WNK3: variants seen among roughly 807,000 people sequenced by gnomAD.
WNK3 encodes the protein WNK lysine deficient protein kinase 3.
Under a neutral mutation model 116.7 loss-of-function variants are expected in WNK3, and 18 were observed. That is an observed-to-expected ratio of 0.15 (90% confidence interval 0.11 to 0.23). The LOEUF is 0.23. WNK3 is among the 10% of genes least tolerant of loss of function. The probability of loss-of-function intolerance (pLI) is 1.00; values close to 1 mark genes in which losing one functional copy is unlikely to be tolerated. For synonymous variants in WNK3, 404 were observed against 469.4 expected, an observed-to-expected ratio of 0.86 and a Z score of 1.80; for missense variants, 993 against 1,323.8, an observed-to-expected ratio of 0.75 and a Z score of 3.88.
chrX:54,250,170 T>G (rs2068114602), intron 15 of WNK3, 39 bp from the exon 16 acceptor site: 1 of 1,127,673 alleles, frequency 8.9e-7, no homozygotes, highest in Non-Finnish European at 1.2e-6. Flanking sequence ...TGCTAAGCTA[T>G]TTTCAATTTA....
At chrX:54,221,847 C>T (rs1363603431) in intron 22 of WNK3, among the ~76,000 whole-genome samples, 1 of 107,513 alleles carries the variant, frequency 9.3e-6, no homozygotes, top group Non-Finnish European at 1.9e-5. Context: ...AAAAAACCAA[C>T]CAACCAAACA....
intron 11 of WNK3, 129 bp from the exon 12 acceptor site, chrX:54,256,016 G>A (rs1301073197): frequency 1.9e-6 from 1 of 533,172 alleles, no homozygotes; most frequent in Non-Finnish European, 2.9e-6. Context: ...TAAAAGTTAT[G>A]ACTGCACAAC....
At chrX:54,198,005 A>G (rs1268733693) in exon 24 of WNK3, 3 of 168,360 alleles carry the variant, frequency 1.8e-5, no homozygotes, top group African/African-American at 3.1e-5. Flanking sequence ...CAATTCATGG[A>G]AAGTGTCCTG....
At chrX:54,320,715 T>C (rs6614228) in intron 2 of WNK3, among the ~76,000 whole-genome samples, 2 of 108,589 alleles carry the variant, frequency 1.8e-5, no homozygotes, top group East Asian at 5.8e-4. Flanking sequence ...TTTCTTTCTG[T>C]GGAGATGAGC....
exon 11 of WNK3, chrX:54,259,316 G>T (rs1377545107): frequency 8.4e-7 from 1 of 1,195,052 alleles, no homozygotes; most frequent in Admixed American, 2.2e-5. Context: ...TTGTTGTTCA[G>T]CTCCAACTGG....
intron 1 of WNK3, among the ~76,000 whole-genome samples, chrX:54,337,704 C>T (rs933258107): frequency 8.3e-5 from 9 of 108,113 alleles, no homozygotes; most frequent in African/African-American, 2.7e-4. Context: ...TGTCGTGAGC[C>T]GAGATCACAC....
intron 1 of WNK3, among the ~76,000 whole-genome samples, chrX:54,353,615 C>T (rs917813623): frequency 1.9e-5 from 2 of 107,494 alleles, no homozygotes; most frequent in Admixed American, 1.0e-4. Context: ...GGCGTAGTGG[C>T]GGGCACCTGT....
At chrX:54,215,116 CAAAA>C (rs60946524) in intron 22 of WNK3, among the ~76,000 whole-genome samples, 1 of 29,458 alleles carries the variant, frequency 3.4e-5, no homozygotes, top group Non-Finnish European at 6.6e-5. Flanking sequence ...GACTCCATCT[CAAAA>C]AAAAAAAAAA....
intron 1 of WNK3, among the ~76,000 whole-genome samples, chrX:54,355,678 A>G (rs1461833477): frequency 3.6e-5 from 4 of 111,499 alleles, no homozygotes; most frequent in African/African-American, 1.3e-4. Flanking sequence ...TCCCCTTCTT[A>G]AACAATCAAG....
At chrX:54,245,145 C>CGTGTGT (rs782272022) in intron 17 of WNK3, among the ~76,000 whole-genome samples, 2,018 of 84,620 alleles carry the variant, frequency 0.024, 80 homozygotes, top group African/African-American at 0.079. Context: ...CATATATATG[C>CGTGTGT]GTGTGTGTGT....
intron 13 of WNK3, among the ~76,000 whole-genome samples, chrX:54,252,179 C>CA (rs1465725514): frequency 1.8e-5 from 2 of 110,212 alleles, no homozygotes; most frequent in African/African-American, 3.3e-5. Flanking sequence ...AATAAAATGC[C>CA]AAAAAATACA....
rs561941823 is a variant in WNK3 at position 54,217,346 on chromosome X, G to C, written c.4870+11368C>G. On this transcript the variant is annotated intron_variant, in intron 22 of 23. Transcript: ENST00000354646. ...AAAAAAAAAAAAAAATTAGCCATGT[G>C]GGCCAGGCGCGGTGGCTCACACCTG... is the stretch of plus-strand genomic sequence containing the variant. 4.0e-4 allele frequency among the ~76,000 whole-genome samples: 42 copies of C among 105,831 alleles called. 1 individual carries two copies. The South Asian group carries it at 0.018, about 45-fold the overall frequency. The allele number at this position is 105,831 out of a possible 115,157, so 91.9% of individuals were successfully genotyped here.
At chrX:54,321,955 G>C (rs1394401951) in intron 2 of WNK3, among the ~76,000 whole-genome samples, 2 of 103,444 alleles carry the variant, frequency 1.9e-5, no homozygotes, top group African/African-American at 7.2e-5. Flanking sequence ...TCGCACTCCA[G>C]CCTGAGTGAC....
chrX:54,330,232 G>T (rs1238230542), intron 2 of WNK3, among the ~76,000 whole-genome samples: 1 of 111,299 alleles, frequency 9.0e-6, no homozygotes, highest in Non-Finnish European at 1.9e-5. Context: ...AATTAGCCAG[G>T]CGTGGTGGCA....
At chrX:54,326,000 C>T (rs1171834305) in intron 2 of WNK3, among the ~76,000 whole-genome samples, 1 of 111,025 alleles carries the variant, frequency 9.0e-6, no homozygotes, top group Non-Finnish European at 1.9e-5. Flanking sequence ...CAGTAATTTA[C>T]TAATTTACCA....
intron 1 of WNK3, among the ~76,000 whole-genome samples, chrX:54,340,747 A>G (rs1557176225): frequency 8.9e-6 from 1 of 112,537 alleles, no homozygotes; most frequent in Non-Finnish European, 1.9e-5. Flanking sequence ...GTTCCACATC[A>G]TTACTTATTG....
At chrX:54,311,214 A>G in exon 3 of WNK3, 1 of 1,200,862 alleles carries the variant, frequency 8.3e-7, no homozygotes, top group Non-Finnish European at 1.1e-6. Flanking sequence ...ATCGAACTAT[A>G]TTGGGGTGCT....
At chrX:54,321,488 T>C (rs1422690359) in intron 2 of WNK3, among the ~76,000 whole-genome samples, 1 of 110,955 alleles carries the variant, frequency 9.0e-6, no homozygotes, top group Non-Finnish European at 1.9e-5. Context: ...CCACTTTCCA[T>C]GGAGAGATGG....
chrX:54,357,909 G>C (rs782008863), exon 1 of WNK3: 4 of 112,498 alleles, frequency 3.6e-5, no homozygotes, highest in African/African-American at 9.6e-5. Context: ...GCGTCTCCCC[G>C]CGAGCCCACC....
Sources: allele counts gnomAD v4.1 joint callset (sites outside exome capture counted in the v4.1 genomes callset), GRCh38; gene constraint gnomAD v4.1.1; transcripts MANE v1.5; gene names NCBI Gene and HGNC (gene_info 2026-07-23, HGNC 2026-07-21).